Variants in USP15 observed in about 807,000 individuals in gnomAD.
USP15 encodes the protein ubiquitin carboxyl-terminal hydrolase 15.
USP15 carries 18 observed loss-of-function variants against 127.1 expected under a neutral mutation model. That is an observed-to-expected ratio of 0.14 (90% CI 0.10 to 0.21). The LOEUF (loss-of-function observed/expected upper bound fraction) is 0.21. Ranked by LOEUF, USP15 falls within the 10% of genes least tolerant of loss-of-function variation. USP15 has a pLI of 1.00. For synonymous variants in USP15, 364 were observed against 393.7 expected, an observed-to-expected ratio of 0.92 and a Z score of 0.89; for missense variants, 805 against 1,159.9, an observed-to-expected ratio of 0.69 and a Z score of 4.44.
At chr12:62,392,082 G>T (rs1357504084) in intron 17 of USP15, among the ~76,000 whole-genome samples, 190 bp from the exon 18 acceptor site, 2 of 151,640 alleles carry the variant, frequency 1.3e-5, no homozygotes, top group Admixed American at 6.6e-5. Context: ...AGTTCATTTT[G>T]AACGTGTTTT....
chr12:62,357,165 G>A (rs2066157698), intron 8 of USP15, among the ~76,000 whole-genome samples: 1 of 152,066 alleles, frequency 6.6e-6, no homozygotes, highest in South Asian at 2.1e-4. Context: ...AAGAGTTTGT[G>A]TTGATGCTAA....
rs547755121 is a variant in USP15 at position 62,358,457 on chromosome 12, G to T, written c.915+2982G>T. 2.7e-4 allele frequency among the ~76,000 whole-genome samples: 41 copies of T among 152,256 alleles called. No homozygotes were observed. In the South Asian group the frequency reaches 7.7e-3, roughly 28 times the overall value. On this transcript the variant is annotated intron_variant, in intron 8 of 21. Coordinates refer to ENST00000280377, the MANE Select transcript of USP15 (RefSeq NM_001252078.2). ...TGTCCAGGCATGGTGACTCATGCCT[G>T]TAATCCCAGCACTTTGGGAGGCCAA...
chr12:62,280,552 G>A (rs536868563), intron 1 of USP15, among the ~76,000 whole-genome samples: 2 of 152,240 alleles, frequency 1.3e-5, no homozygotes, highest in African/African-American at 2.4e-5. Flanking sequence ...GGGATGAGGT[G>A]TCTCTCTGGG....
intron 6 of USP15, among the ~76,000 whole-genome samples, chr12:62,343,975 A>T (rs924482506): frequency 1.3e-5 from 2 of 152,094 alleles, no homozygotes; most frequent in African/African-American, 4.8e-5. Flanking sequence ...CCCACAACAC[A>T]TGGGAATTAC....
intron 7 of USP15, among the ~76,000 whole-genome samples, chr12:62,350,137 T>C (rs2065925588): frequency 6.6e-6 from 1 of 151,924 alleles, no homozygotes; most frequent in Non-Finnish European, 1.5e-5. Flanking sequence ...TGTATTACTA[T>C]TATACTAATC....
chr12:62,274,540 A>G (rs2063431301), intron 1 of USP15, among the ~76,000 whole-genome samples: 1 of 152,024 alleles, frequency 6.6e-6, no homozygotes, highest in African/African-American at 2.4e-5. Flanking sequence ...AGCTACTTGG[A>G]AGGCTGAGGC....
chr12:62,298,493 C>G (rs748115418), intron 2 of USP15, among the ~76,000 whole-genome samples: 2 of 152,136 alleles, frequency 1.3e-5, no homozygotes, highest in Admixed American at 6.5e-5. Flanking sequence ...GGTGAAACCC[C>G]GTCTCTATTA....
chr12:62,308,636 A>C (rs1016838202), intron 3 of USP15, among the ~76,000 whole-genome samples: 1 of 152,150 alleles, frequency 6.6e-6, no homozygotes, highest in Non-Finnish European at 1.5e-5. Flanking sequence ...AGATTTGAAC[A>C]ACATGATTAA....
chr12:62,275,847 G>C (rs2137070078), intron 1 of USP15, among the ~76,000 whole-genome samples: 1 of 152,140 alleles, frequency 6.6e-6, no homozygotes, highest in Middle Eastern at 3.4e-3. Flanking sequence ...TTGTAAGGTA[G>C]GTAGCAAGGT....
At chr12:62,333,328 G>T (rs999321195) in intron 6 of USP15, among the ~76,000 whole-genome samples, 14 of 152,170 alleles carry the variant, frequency 9.2e-5, no homozygotes, top group Non-Finnish European at 1.5e-4. Context: ...ATGCAGTGGA[G>T]CAGTCACAGC....
chr12:62,331,264 A>G (rs1025499266), intron 6 of USP15, among the ~76,000 whole-genome samples: 1 of 152,216 alleles, frequency 6.6e-6, no homozygotes, highest in Non-Finnish European at 1.5e-5. Context: ...AAGAAGAATC[A>G]CTGGTAGAAT....
At chr12:62,274,847 GTT>G (rs919590089) in intron 1 of USP15, among the ~76,000 whole-genome samples, 1 of 152,114 alleles carries the variant, frequency 6.6e-6, no homozygotes, top group African/African-American at 2.4e-5. Flanking sequence ...CACGTTTGTG[GTT>G]TTAAAATGTT....
At chr12:62,337,469 T>A (rs1047463483) in intron 6 of USP15, among the ~76,000 whole-genome samples, 3 of 152,164 alleles carry the variant, frequency 2.0e-5, no homozygotes, top group East Asian at 1.9e-4. Context: ...TTGTCTTTTT[T>A]AAATTTTATT....
At chr12:62,269,347 AAT>A (rs145611683) in intron 1 of USP15, among the ~76,000 whole-genome samples, 3,371 of 151,652 alleles carry the variant, frequency 0.022, 124 homozygotes, top group African/African-American at 0.075. Flanking sequence ...TGTGTGTATA[AAT>A]ATATATATGT....
Position 62,389,975 on chromosome 12 carries a change from C to A in USP15, c.1831C>A (p.Leu611Ile). The A allele has an allele frequency of 6.2e-7, 1 of 1,603,930 alleles. No individual in the cohort carries two copies. Among genetic ancestry groups the A allele is most frequent in the Non-Finnish European group, 8.5e-7 (1 of 1,175,112 alleles). ...NTEDKLYNLL[L>I]LRMCRYVKIS... is the part of the protein sequence containing the mutation. ...TGAAGACAAACTTTATAATCTCCTG[C>A]TCTTGAGAATGTGGTAAGTGCCAGA... Residue 611 changes from leucine (L) to isoleucine (I), a missense_variant, in exon 14 of 22, where the codon CTC becomes ATC. Around this residue, in one of 11 missense-constraint regions of USP15, gnomAD observed 225 missense variants for 239.5 expected, o/e 0.94. Coordinates refer to ENST00000280377, the MANE Select transcript of USP15 (RefSeq NM_001252078.2).
At chr12:62,390,735 T>G in intron 14 of USP15, 129 bp from the exon 15 acceptor site, 1 of 545,460 alleles carries the variant, frequency 1.8e-6, no homozygotes, top group Non-Finnish European at 3.2e-6. Context: ...AGTTTGAATT[T>G]ATCTTTGAAT....
At chr12:62,286,507 T>C (rs755770453) in intron 1 of USP15, among the ~76,000 whole-genome samples, 69 of 152,202 alleles carry the variant, frequency 4.5e-4, no homozygotes, top group Non-Finnish European at 8.7e-4. Flanking sequence ...TACCATTCGC[T>C]CAGCAGTCCC....
At chr12:62,274,801 T>G (rs2063441297) in intron 1 of USP15, among the ~76,000 whole-genome samples, 1 of 152,196 alleles carries the variant, frequency 6.6e-6, no homozygotes. Context: ...ATTTATATTA[T>G]GCAGATACTA....
intron 6 of USP15, chr12:62,328,205 G>A (rs2137311526): frequency 2.6e-6 from 1 of 382,508 alleles, no homozygotes; most frequent in Non-Finnish European, 5.3e-6. Flanking sequence ...AGAAAATTCA[G>A]CAAGGTTGTC....
Sources: allele counts gnomAD v4.1 joint callset (sites outside exome capture counted in the v4.1 genomes callset), GRCh38; gene constraint gnomAD v4.1.1; regional missense constraint gnomAD v4.1.1; transcripts MANE v1.5; gene names NCBI Gene and HGNC (gene_info 2026-07-23, HGNC 2026-07-21).